LHFPL3: variants seen among roughly 807,000 people sequenced by gnomAD.
LHFPL3 encodes LHFPL tetraspan subfamily member 3 protein.
Under a neutral mutation model 19.3 loss-of-function variants are expected in LHFPL3, and 5 were observed. The ratio of observed to expected loss-of-function variants is 0.26; its 90% CI spans 0.14 to 0.54. The LOEUF (loss-of-function observed/expected upper bound fraction) is 0.54. Among genes scored for constraint, LHFPL3 ranks in the 20% least tolerant of loss-of-function variants. The probability of loss-of-function intolerance (pLI) is 0.94; values close to 1 mark genes in which losing one functional copy is unlikely to be tolerated. For missense variants in LHFPL3, 249 were observed against 307.4 expected, an observed-to-expected ratio of 0.81 and a Z score of 1.42; for synonymous variants, 133 against 126.2, an observed-to-expected ratio of 1.05 and a Z score of -0.36.
chr7:104,511,046 TTAAAA>T (rs1307318436), intron 1 of LHFPL3, among the ~76,000 whole-genome samples: 7 of 151,762 alleles, frequency 4.6e-5, no homozygotes, highest in Non-Finnish European at 5.9e-5. Context: ...ACTCCTGAAC[TTAAAA>T]TAAAAGTTAA....
At chr7:104,761,911 G>A (rs1273432415) in intron 2 of LHFPL3, among the ~76,000 whole-genome samples, 1 of 152,150 alleles carries the variant, frequency 6.6e-6, no homozygotes, top group African/African-American at 2.4e-5. Flanking sequence ...CCAGGAGGAA[G>A]GTGAACAGAT....
chr7:104,564,404 G>A (rs1434931743), intron 1 of LHFPL3, among the ~76,000 whole-genome samples: 3 of 152,182 alleles, frequency 2.0e-5, no homozygotes, highest in African/African-American at 4.8e-5. Context: ...GGAACTGATG[G>A]CATTCAATTC....
chr7:104,518,844 T>TAGAA (rs1424952395), intron 1 of LHFPL3, among the ~76,000 whole-genome samples: 1 of 146,804 alleles, frequency 6.8e-6, no homozygotes, highest in African/African-American at 2.6e-5. Flanking sequence ...GATAGATAGA[T>TAGAA]AGAATAAATA....
At chr7:104,689,606 G>A (rs1792870390) in intron 1 of LHFPL3, among the ~76,000 whole-genome samples, 1 of 152,118 alleles carries the variant, frequency 6.6e-6, no homozygotes, top group South Asian at 2.1e-4. Flanking sequence ...AATTTATACT[G>A]TTAATCTTTC....
chr7:104,895,255 T>G (rs943276327), intron 2 of LHFPL3: 3 of 152,218 alleles, frequency 2.0e-5, no homozygotes, highest in African/African-American at 7.2e-5. Context: ...TTTCCGGATG[T>G]TTCTGCTGCA....
At chr7:104,460,091 T>C (rs1334119200) in intron 1 of LHFPL3, among the ~76,000 whole-genome samples, 2 of 152,102 alleles carry the variant, frequency 1.3e-5, no homozygotes, top group Non-Finnish European at 2.9e-5. Flanking sequence ...CTCCCACTTA[T>C]AAGTGTGGTA....
intron 2 of LHFPL3, among the ~76,000 whole-genome samples, chr7:104,904,860 C>T (rs1268431430): frequency 2.6e-5 from 4 of 152,158 alleles, no homozygotes; most frequent in African/African-American, 9.7e-5. Flanking sequence ...GTTAATCATA[C>T]TGTTTGAGGT....
intron 2 of LHFPL3, among the ~76,000 whole-genome samples, chr7:104,811,158 CTTTCTTTCTTTCTTTTCT>C (rs1158865498): frequency 1.1e-3 from 22 of 20,924 alleles, no homozygotes; most frequent in African/African-American, 1.3e-3. Flanking sequence ...CTTTTTCTTT[CTTTCTTTCTTTCTTTTCT>C]TTTCTTTTCT....
At chr7:104,334,366 G>A (rs1489943564) in intron 1 of LHFPL3, among the ~76,000 whole-genome samples, 1 of 152,174 alleles carries the variant, frequency 6.6e-6, no homozygotes, top group Non-Finnish European at 1.5e-5. Flanking sequence ...GGCCAACATG[G>A]TGAAACCTTG....
chr7:104,394,555 C>G (rs1217419376), intron 1 of LHFPL3, among the ~76,000 whole-genome samples: 1 of 152,070 alleles, frequency 6.6e-6, no homozygotes, highest in Non-Finnish European at 1.5e-5. Context: ...GCCTACATTT[C>G]CATCAGGAGA....
At chr7:104,637,048 C>CT (rs1791741874) in intron 1 of LHFPL3, among the ~76,000 whole-genome samples, 1 of 151,986 alleles carries the variant, frequency 6.6e-6, no homozygotes, top group Non-Finnish European at 1.5e-5. Flanking sequence ...CTAGCATCTG[C>CT]TTTTTTTGAC....
intron 1 of LHFPL3, among the ~76,000 whole-genome samples, chr7:104,366,140 C>G (rs1172656072): frequency 6.6e-6 from 1 of 152,154 alleles, no homozygotes; most frequent in Non-Finnish European, 1.5e-5. Context: ...AGAGAGCGTT[C>G]TTTGGGCACA....
chr7:104,735,742 T>G (rs1447555572), intron 1 of LHFPL3, among the ~76,000 whole-genome samples: 1 of 152,258 alleles, frequency 6.6e-6, no homozygotes, highest in Non-Finnish European at 1.5e-5. Flanking sequence ...CCCAGTGAGA[T>G]GAACCCAGTA....
intron 1 of LHFPL3, among the ~76,000 whole-genome samples, chr7:104,457,927 C>G (rs1186900847): frequency 1.4e-5 from 2 of 143,804 alleles, no homozygotes; most frequent in Non-Finnish European, 3.0e-5. Context: ...TGAGAAGTGT[C>G]TGTTCATATC....
intron 1 of LHFPL3, among the ~76,000 whole-genome samples, chr7:104,505,152 A>G (rs920333587): frequency 4.6e-5 from 7 of 152,206 alleles, no homozygotes; most frequent in Admixed American, 3.9e-4. Context: ...TTCCAAAATC[A>G]GTATTCTGCT....
intron 1 of LHFPL3, among the ~76,000 whole-genome samples, chr7:104,345,033 G>T (rs949101147): frequency 3.3e-5 from 5 of 152,126 alleles, no homozygotes; most frequent in African/African-American, 1.2e-4. Flanking sequence ...AACTGTTTGA[G>T]ACTGGTATTT....
intron 2 of LHFPL3, among the ~76,000 whole-genome samples, chr7:104,873,650 T>C (rs1791878330): frequency 6.6e-6 from 1 of 152,076 alleles, no homozygotes; most frequent in Non-Finnish European, 1.5e-5. Flanking sequence ...AAAAAAAAAC[T>C]GAAACTGGTA....
rs1256712820 is a variant in LHFPL3 at position 104,603,162 on chromosome 7, C to CCTTCCTTT, written c.446-133510_446-133509insCCTTTCTT. ...CCCTTCCTTCCTTCCTTCCTTCCTT[C>CCTTCCTTT]CTTTCTTTCTTTCTTTCTTTCTTCC... On this transcript the variant is annotated intron_variant, in intron 1 of 2. Coordinates refer to ENST00000424859, the MANE Select transcript of LHFPL3 (RefSeq NM_199000.3). 3.7e-3 allele frequency among the ~76,000 whole-genome samples: 470 copies of CCTTCCTTT among 128,612 alleles called. 30 individuals are homozygous for CCTTCCTTT. In the East Asian group the frequency reaches 0.085, roughly 23 times the overall value. 84.4% of individuals were successfully genotyped at this position (128,612 alleles called of 152,430 possible).
At chr7:104,857,611 C>T (rs959400456) in intron 2 of LHFPL3, among the ~76,000 whole-genome samples, 24 of 152,196 alleles carry the variant, frequency 1.6e-4, no homozygotes, top group African/African-American at 5.5e-4. Context: ...AACCTTGTTG[C>T]ATTATTGTGA....
Sources: gnomAD v4.1 joint callset for allele counts (sites outside exome capture counted in the v4.1 genomes callset) on GRCh38, gnomAD v4.1.1 for gene constraint, MANE v1.5 for transcripts, NCBI Gene and HGNC (gene_info 2026-07-23, HGNC 2026-07-21) for gene names.